PRKG1: variants seen among roughly 807,000 people sequenced by gnomAD.
The protein encoded by PRKG1 is protein kinase cGMP-dependent 1, also known as cGMP-dependent protein kinase 1.
Under a neutral mutation model 88.1 loss-of-function variants are expected in PRKG1, and 35 were observed. The ratio of observed to expected loss-of-function variants is 0.40; its 90% CI spans 0.30 to 0.53. The LOEUF (loss-of-function observed/expected upper bound fraction) is 0.53, where lower values mean the gene tolerates loss of function less well. PRKG1 is among the 20% of genes least tolerant of loss of function. The pLI, the probability that PRKG1 is intolerant of heterozygous loss-of-function variation, is 0.59. For missense variants in PRKG1, 540 were observed against 839.8 expected (o/e 0.64, Z 4.41); for synonymous variants, 303 against 292.5 (o/e 1.04, Z -0.37).
Position 50,991,684 on chromosome 10 carries a change from C to T in PRKG1, c.266+40C>T. 15 of 1,390,340 alleles carry T rather than the reference C, an allele frequency of 1.1e-5. No individual in the cohort carries two copies. Among genetic ancestry groups the T allele is most frequent in the South Asian group, 1.5e-5 (1 of 67,042 alleles). 86.1% of individuals were successfully genotyped at this position (1,390,340 alleles called of 1,614,324 possible). ...CGTGGGCCCGGGCGCTCGTCCCGGC[C>T]CGCGGCGCAGAGGCTGGGGGCTCTG... On this transcript the variant is annotated intron_variant, in intron 1 of 17. Transcript: ENST00000401604. The surrounding 1 kb of genome is among the most constrained non-coding windows in gnomAD (Gnocchi z 4.5).
At chr10:51,765,385 A>G (rs1220679360) in intron 3 of PRKG1, among the ~76,000 whole-genome samples, 1 of 152,216 alleles carries the variant, frequency 6.6e-6, no homozygotes, top group East Asian at 1.9e-4. Flanking sequence ...TCTATTTGTT[A>G]GATAGGTATC....
chr10:52,116,268 T>C (rs139762293), intron 7 of PRKG1, among the ~76,000 whole-genome samples: 1 of 152,302 alleles, frequency 6.6e-6, no homozygotes, highest in East Asian at 1.9e-4. Flanking sequence ...AAACAATGTA[T>C]ACGTGTTTAG....
At chr10:52,166,645 A>G (rs1040336257) in intron 9 of PRKG1, among the ~76,000 whole-genome samples, 3 of 149,510 alleles carry the variant, frequency 2.0e-5, no homozygotes, top group African/African-American at 7.3e-5. Context: ...TTGCCTTATA[A>G]AATTCATAAT....
chr10:51,991,224 G>T (rs189683978), intron 5 of PRKG1, among the ~76,000 whole-genome samples: 1 of 152,070 alleles, frequency 6.6e-6, no homozygotes. Context: ...AGCTCTAACA[G>T]TGTTTTTAGT....
chr10:51,404,964 GA>G (rs530885350), intron 2 of PRKG1, among the ~76,000 whole-genome samples: 1 of 151,610 alleles, frequency 6.6e-6, no homozygotes, highest in African/African-American at 2.4e-5. Flanking sequence ...CGTGATTAAG[GA>G]AAAAAAATCA....
At chr10:51,786,497 A>G (rs1838732469) in intron 3 of PRKG1, among the ~76,000 whole-genome samples, 1 of 152,058 alleles carries the variant, frequency 6.6e-6, no homozygotes. Flanking sequence ...CCTAACTGTA[A>G]GCACTTTTTC....
rs181844487 is a variant in PRKG1 at position 51,559,448 on chromosome 10, G to T, written c.592+91612G>T. Among the ~76,000 whole-genome samples, 24 of 152,210 alleles carry T rather than the reference G, an allele frequency of 1.6e-4. 1 individual carries two copies. The highest frequency in any genetic ancestry group is 5.1e-4 in the African/African-American group (21 of 41,564). ...CAAAAGGCATTATTAGTGCGTTAGA[G>T]ACTTGGAATCAGTTCCAGATTGCAG... On this transcript the variant is annotated intron_variant, in intron 3 of 17. Coordinates refer to ENST00000373980, the MANE Select transcript of PRKG1 (RefSeq NM_006258.4).
chr10:51,244,308 C>CTTTTTTTTT (rs76339310), intron 2 of PRKG1, among the ~76,000 whole-genome samples: 3 of 136,672 alleles, frequency 2.2e-5, no homozygotes, highest in African/African-American at 5.3e-5. Flanking sequence ...CCCTTTCTTC[C>CTTTTTTTTT]TTTTTTTTTT....
At chr10:51,878,367 G>A (rs955393142) in intron 4 of PRKG1, among the ~76,000 whole-genome samples, 2 of 152,056 alleles carry the variant, frequency 1.3e-5, no homozygotes, top group African/African-American at 4.8e-5. Flanking sequence ...TTGCTTTGAT[G>A]TGTCAGTAAG....
intron 3 of PRKG1, among the ~76,000 whole-genome samples, chr10:51,479,543 A>G (rs898981858): frequency 1.3e-5 from 2 of 152,010 alleles, no homozygotes; most frequent in African/African-American, 2.4e-5. Context: ...ATATGATAAT[A>G]TTAGTGTCCT....
chr10:51,283,475 C>T (rs184107355), intron 2 of PRKG1, among the ~76,000 whole-genome samples: 53 of 152,144 alleles, frequency 3.5e-4, no homozygotes, highest in Middle Eastern at 3.4e-3. Flanking sequence ...TGTCCTAGAG[C>T]TATTGGGCCA....
At chr10:51,740,959 G>C (rs1317063232) in intron 3 of PRKG1, among the ~76,000 whole-genome samples, 1 of 151,718 alleles carries the variant, frequency 6.6e-6, no homozygotes, top group Admixed American at 6.6e-5. Context: ...AGATTTGAGA[G>C]TTTTTAAAGA....
At chr10:51,339,405 A>G (rs1252573189) in intron 2 of PRKG1, among the ~76,000 whole-genome samples, 1 of 152,058 alleles carries the variant, frequency 6.6e-6, no homozygotes, top group African/African-American at 2.4e-5. Context: ...TTCATCCTGA[A>G]ATATTTATTT....
intron 4 of PRKG1, among the ~76,000 whole-genome samples, chr10:51,847,163 T>C (rs1419934368): frequency 6.6e-6 from 1 of 152,190 alleles, no homozygotes. Flanking sequence ...TGATCTATGA[T>C]GCTACTCCTA....
At chr10:52,122,531 T>G (rs1847843851) in intron 7 of PRKG1, among the ~76,000 whole-genome samples, 1 of 152,202 alleles carries the variant, frequency 6.6e-6, no homozygotes, top group Non-Finnish European at 1.5e-5. Flanking sequence ...TTCATATTAT[T>G]TTATAAAATA....
chr10:51,286,379 A>T (rs945519560), intron 2 of PRKG1, among the ~76,000 whole-genome samples: 1 of 152,158 alleles, frequency 6.6e-6, no homozygotes, highest in African/African-American at 2.4e-5. Flanking sequence ...CCATCACAAC[A>T]TCCCTGACTA....
chr10:51,514,888 G>A (rs1398069601), intron 3 of PRKG1, among the ~76,000 whole-genome samples: 1 of 152,124 alleles, frequency 6.6e-6, no homozygotes, highest in Non-Finnish European at 1.5e-5. Context: ...GAGTTTCTCG[G>A]CCTCAGCACT....
intron 5 of PRKG1, among the ~76,000 whole-genome samples, chr10:51,920,718 T>C (rs1424588849): frequency 1.3e-5 from 2 of 152,146 alleles, no homozygotes; most frequent in African/African-American, 4.8e-5. Context: ...GCTCCATTTG[T>C]TTTCTTCTGG....
At position 51,289,426 on chromosome 10, in the gene PRKG1, A is replaced by G. The variant is rs1301230521; in HGVS notation, c.478+136096A>G. ...ATGCTTCCCAGTGAAGCTTGACAACAGTGGACTAGAGCCTCCAAGTGCTAT... is the reference window on the plus strand; with the variant it reads ...ATGCTTCCCAGTGAAGCTTGACAACGGTGGACTAGAGCCTCCAAGTGCTAT... On this transcript the variant is annotated intron_variant, in intron 2 of 17. Coordinates refer to ENST00000373980, the MANE Select transcript of PRKG1 (RefSeq NM_006258.4). 2.0e-5 allele frequency among the ~76,000 whole-genome samples: 3 copies of G among 152,180 alleles called. 1 individual carries two copies. Among genetic ancestry groups the G allele is most frequent in the South Asian group, 4.1e-4 (2 of 4,832 alleles).
Sources: gnomAD v4.1 joint callset for allele counts (sites outside exome capture counted in the v4.1 genomes callset) on GRCh38, gnomAD v4.1.1 for gene constraint, Gnocchi (gnomAD v3.1) non-coding constraint, MANE v1.5 for transcripts, NCBI Gene and HGNC (gene_info 2026-07-23, HGNC 2026-07-21) for gene names.